KIF26B: variants seen among roughly 807,000 people sequenced by gnomAD.
KIF26B encodes kinesin family member 26B.
In KIF26B, 63 loss-of-function variants were observed where a neutral mutation model predicts 151.2. That is an observed-to-expected ratio of 0.42 (90% CI 0.34 to 0.51). The LOEUF (loss-of-function observed/expected upper bound fraction) is 0.51, where lower values mean the gene tolerates loss of function less well. KIF26B is among the 20% of genes least tolerant of loss of function. The probability of loss-of-function intolerance (pLI) is 0.07; values close to 1 mark genes in which losing one functional copy is unlikely to be tolerated. For missense variants in KIF26B, 2,813 were observed against 2,913.6 expected, an observed-to-expected ratio of 0.97 and a Z score of 0.79; for synonymous variants, 1,357 against 1,262.1, an observed-to-expected ratio of 1.08 and a Z score of -1.59.
chr1:245,411,542 C>T (rs1460164735), intron 3 of KIF26B, among the ~76,000 whole-genome samples: 3 of 152,152 alleles, frequency 2.0e-5, no homozygotes, highest in Non-Finnish European at 2.9e-5. Flanking sequence ...AAGCATTTCA[C>T]CTCGCCGGGG....
At chr1:245,689,278 T>G (rs561976749) in intron 12 of KIF26B, among the ~76,000 whole-genome samples, 14 of 152,324 alleles carry the variant, frequency 9.2e-5, no homozygotes, top group African/African-American at 2.9e-4. Flanking sequence ...TACAGCCTGT[T>G]GAGGGATCAG....
At chr1:245,529,089 T>TA (rs1661305355) in intron 4 of KIF26B, among the ~76,000 whole-genome samples, 1 of 152,144 alleles carries the variant, frequency 6.6e-6, no homozygotes, top group Non-Finnish European at 1.5e-5. Flanking sequence ...GATGGCGTCT[T>TA]AGTCATTAGT....
chr1:245,413,783 C>T (rs891019085), intron 3 of KIF26B, among the ~76,000 whole-genome samples: 1 of 152,084 alleles, frequency 6.6e-6, no homozygotes, highest in Non-Finnish European at 1.5e-5. Flanking sequence ...AGGGCAGCCT[C>T]GAGTTAGGAA....
intron 2 of KIF26B, among the ~76,000 whole-genome samples, chr1:245,240,931 G>C (rs1031333556): frequency 1.3e-5 from 2 of 152,308 alleles, no homozygotes; most frequent in Non-Finnish European, 2.9e-5. Flanking sequence ...TGTGCCCTGA[G>C]CTCAAAGATA....
At chr1:245,406,322 G>T (rs1674134465) in intron 3 of KIF26B, among the ~76,000 whole-genome samples, 1 of 152,178 alleles carries the variant, frequency 6.6e-6, no homozygotes, top group Admixed American at 6.5e-5. Context: ...CACACCCTTT[G>T]CTAGGCACTA....
At chr1:245,213,508 C>T (rs55956574) in intron 2 of KIF26B, among the ~76,000 whole-genome samples, 9,289 of 152,192 alleles carry the variant, frequency 0.061, 346 homozygotes, top group Middle Eastern at 0.14. Flanking sequence ...AGTGCCTGAT[C>T]CAGGCAGACC....
intron 9 of KIF26B, among the ~76,000 whole-genome samples, chr1:245,640,377 T>A (rs553526364): frequency 4.6e-4 from 70 of 151,668 alleles, no homozygotes; most frequent in African/African-American, 1.6e-3. Flanking sequence ...GCTTTTCCCA[T>A]CCCTTCACTG....
intron 5 of KIF26B, among the ~76,000 whole-genome samples, chr1:245,549,288 G>T (rs1021188313): frequency 1.3e-5 from 2 of 152,180 alleles, no homozygotes; most frequent in Non-Finnish European, 2.9e-5. Context: ...ATAAAAACAT[G>T]AGATAAAATG....
In KIF26B at chr1:245,488,692, AC is replaced by A. The variant is rs1660335503; in HGVS notation, c.1167-52074del. ...GACTGGGGTCCGGGTTGTAATGGAG[AC>A]TTAGAGTTGAGTGAAGCATTTTAGC... On this transcript the variant is annotated intron_variant, in intron 4 of 14. Transcript: ENST00000407071. The surrounding 1 kb of genome is among the most constrained non-coding windows in gnomAD (Gnocchi z 4.6). Among the ~76,000 whole-genome samples the A allele has an allele frequency of 6.6e-6, 1 of 152,100 alleles. No homozygotes were observed. The highest frequency in any genetic ancestry group is 2.4e-5 in the African/African-American group (1 of 41,398).
chr1:245,486,227 C>T (rs777884066), intron 4 of KIF26B, among the ~76,000 whole-genome samples: 1 of 152,200 alleles, frequency 6.6e-6, no homozygotes, highest in Non-Finnish European at 1.5e-5. Context: ...CTTCAGTAAG[C>T]ATTTTATGAA....
chr1:245,343,633 C>T (rs557373481), intron 2 of KIF26B, among the ~76,000 whole-genome samples: 6 of 152,232 alleles, frequency 3.9e-5, no homozygotes, highest in South Asian at 2.1e-4. Flanking sequence ...TAATTGATAA[C>T]GACTTCATTC....
At chr1:245,339,851 C>G (rs900135882) in intron 2 of KIF26B, among the ~76,000 whole-genome samples, 3 of 152,198 alleles carry the variant, frequency 2.0e-5, no homozygotes, top group Admixed American at 1.3e-4. Flanking sequence ...TGGATTATGA[C>G]AGTCCTAGGT....
chr1:245,254,045 C>T (rs910949894), intron 2 of KIF26B, among the ~76,000 whole-genome samples: 2 of 151,880 alleles, frequency 1.3e-5, no homozygotes, highest in East Asian at 3.9e-4. Context: ...CTCCTGACCT[C>T]GTAATTTGCC....
At chr1:245,548,444 A>G (rs965693405) in intron 5 of KIF26B, among the ~76,000 whole-genome samples, 1 of 152,210 alleles carries the variant, frequency 6.6e-6, no homozygotes, top group African/African-American at 2.4e-5. Flanking sequence ...TGCTCTTCCC[A>G]GGGTGCGAGT....
At position 245,413,763 on chromosome 1, in the gene KIF26B, A is replaced by T. The variant is rs186038624; in HGVS notation, c.1000-5816A>T. Among the ~76,000 whole-genome samples, 868 of 152,272 alleles carry T rather than the reference A, an allele frequency of 5.7e-3. 5 individuals carry two copies. The highest frequency in any genetic ancestry group is 0.037 in the Middle Eastern group (11 of 294). On this transcript the variant is annotated intron_variant, in intron 3 of 14. Transcript: ENST00000407071. ...CATCTTCTAATAGTGGACTGCAGGG[A>T]GGGGCTCTGAGGGCAGCCTCGAGTT...
At chr1:245,640,148 T>TATATATATATATATAC (rs1274131414) in intron 9 of KIF26B, among the ~76,000 whole-genome samples, 2 of 85,424 alleles carry the variant, frequency 2.3e-5, no homozygotes, top group Non-Finnish European at 2.5e-5. Flanking sequence ...TCTCTCTATA[T>TATATATATATATATAC]ATATATATAT....
chr1:245,641,137 T>C (rs1039486497), intron 9 of KIF26B, among the ~76,000 whole-genome samples: 5 of 152,104 alleles, frequency 3.3e-5, no homozygotes, highest in Non-Finnish European at 5.9e-5. Flanking sequence ...CTTCAGCACT[T>C]TGAATAATAT....
intron 5 of KIF26B, among the ~76,000 whole-genome samples, chr1:245,600,237 A>G (rs58017099): frequency 8.1e-6 from 1 of 123,068 alleles, no homozygotes; most frequent in Admixed American, 8.1e-5. Flanking sequence ...ACGGGGTTTC[A>G]CCGTGTTAGC....
Position 245,708,424 on chromosome 1 carries a change from C to T in KIF26B, c.*5818C>T, listed in dbSNP as rs776136216. The T allele has an allele frequency of 1.6e-4, 24 of 152,334 alleles. No homozygotes were observed. The highest frequency in any genetic ancestry group is 5.2e-4 in the Admixed American group (8 of 15,306). 9.4% of individuals were successfully genotyped at this position (152,334 alleles called of 1,614,324 possible). A position where few individuals can be genotyped will look rare whatever the true frequency, so the allele number is the denominator to read the frequency against. On this transcript the variant is annotated 3_prime_UTR_variant, in exon 15 of 15. Transcript: ENST00000407071. ...GGATTCTTCCCATCAGATCATATTG[C>T]ACCAGGTATGTGTAGACATGAACAC...
Sources: allele counts gnomAD v4.1 joint callset (sites outside exome capture counted in the v4.1 genomes callset), GRCh38; gene constraint gnomAD v4.1.1; non-coding constraint Gnocchi (gnomAD v3.1); transcripts MANE v1.5; gene names NCBI Gene and HGNC (gene_info 2026-07-23, HGNC 2026-07-21).